MICU2: variants seen among roughly 807,000 people sequenced by gnomAD.
The protein encoded by MICU2 is mitochondrial calcium uptake 2, also known as calcium uptake protein 2, mitochondrial.
MICU2 carries 64 observed loss-of-function variants against 60.4 expected under a neutral mutation model. The ratio of observed to expected loss-of-function variants is 1.06; its 90% CI spans 0.87 to 1.31. The LOEUF is 1.31. MICU2 is among the 50% of genes most tolerant of loss of function. MICU2 has a pLI of 0.00. For synonymous variants in MICU2, 201 were observed against 175.0 expected (o/e 1.15, Z -1.17); for missense variants, 569 against 531.0 (o/e 1.07, Z -0.70).
intron 7 of MICU2, among the ~76,000 whole-genome samples, chr13:21,513,833 T>G (rs1374719795): frequency 6.6e-6 from 1 of 151,150 alleles, no homozygotes; most frequent in African/African-American, 2.4e-5. Context: ...ACTTCTTATA[T>G]TAAAACAGAA....
chr13:21,597,203 T>C (rs1325644513), intron 1 of MICU2, among the ~76,000 whole-genome samples: 17 of 152,230 alleles, frequency 1.1e-4, no homozygotes, highest in Admixed American at 1.1e-3. Flanking sequence ...ACATTATAGA[T>C]GTCATCAATT....
intron 9 of MICU2, among the ~76,000 whole-genome samples, chr13:21,497,254 A>G (rs961649413): frequency 6.6e-6 from 1 of 151,162 alleles, no homozygotes; most frequent in African/African-American, 2.4e-5. Flanking sequence ...AGTCCCAGCT[A>G]TTTGGAAGGC....
At chr13:21,511,523 G>GT (rs1337001188) in intron 7 of MICU2, among the ~76,000 whole-genome samples, 2 of 152,104 alleles carry the variant, frequency 1.3e-5, no homozygotes, top group African/African-American at 4.8e-5. Flanking sequence ...ACACACAATG[G>GT]TAAGAAACAA....
chr13:21,508,366 C>T (rs1005351159), intron 8 of MICU2, among the ~76,000 whole-genome samples: 22 of 152,124 alleles, frequency 1.4e-4, no homozygotes, highest in African/African-American at 5.1e-4. Context: ...ACCTCGTGAT[C>T]CACCACCTCG....
chr13:21,598,363 C>T (rs1453260942), intron 1 of MICU2, among the ~76,000 whole-genome samples: 1 of 152,102 alleles, frequency 6.6e-6, no homozygotes, highest in Non-Finnish European at 1.5e-5. Flanking sequence ...TTGTATTTTA[C>T]TTTGGCTTTG....
At chr13:21,552,017 C>T in intron 2 of MICU2, among the ~76,000 whole-genome samples, 1 of 152,104 alleles carries the variant, frequency 6.6e-6, no homozygotes, top group East Asian at 1.9e-4. Context: ...ACACTGACTT[C>T]CACAAGGGTT....
chr13:21,528,123 T>G (rs963887898), intron 4 of MICU2, among the ~76,000 whole-genome samples: 1 of 152,178 alleles, frequency 6.6e-6, no homozygotes, highest in East Asian at 1.9e-4. Flanking sequence ...ATATATATAG[T>G]AAACTACAAC....
chr13:21,557,321 T>C (rs1158461093), intron 2 of MICU2, among the ~76,000 whole-genome samples: 1 of 152,098 alleles, frequency 6.6e-6, no homozygotes, highest in Non-Finnish European at 1.5e-5. Flanking sequence ...AGAAATTCAG[T>C]AGAAAAGAAC....
intron 8 of MICU2, among the ~76,000 whole-genome samples, chr13:21,508,179 G>A (rs939676662): frequency 6.7e-6 from 1 of 149,842 alleles, no homozygotes; most frequent in African/African-American, 2.5e-5. Context: ...AGGCTGGAGT[G>A]CAGTGGCACG....
intron 2 of MICU2, among the ~76,000 whole-genome samples, chr13:21,550,750 T>C (rs1484200218): frequency 1.3e-5 from 2 of 151,640 alleles, no homozygotes; most frequent in African/African-American, 2.4e-5. Flanking sequence ...ATGTGCCAGG[T>C]ACTCTGCTCT....
chr13:21,547,359 G>T (rs987765405), intron 2 of MICU2, among the ~76,000 whole-genome samples: 4 of 152,070 alleles, frequency 2.6e-5, no homozygotes, highest in African/African-American at 9.7e-5. Flanking sequence ...CCCTTTTCCT[G>T]CTTTACCTAG....
intron 6 of MICU2, among the ~76,000 whole-genome samples, chr13:21,518,127 A>G (rs930742062): frequency 6.6e-6 from 1 of 152,230 alleles, no homozygotes; most frequent in East Asian, 1.9e-4. Context: ...ATTTATGGAG[A>G]TATCTGTGGT....
At chr13:21,587,344 A>T (rs574903886) in intron 1 of MICU2, among the ~76,000 whole-genome samples, 42 of 152,356 alleles carry the variant, frequency 2.8e-4, no homozygotes, top group Admixed American at 2.4e-3. Flanking sequence ...TACTTATTAA[A>T]TTTTTAATGA....
chr13:21,507,539 G>A (rs1441381852), intron 8 of MICU2, among the ~76,000 whole-genome samples: 2 of 152,022 alleles, frequency 1.3e-5, no homozygotes, highest in African/African-American at 2.4e-5. Flanking sequence ...GAGCTTAAAT[G>A]ACTCAGTGTA....
intron 6 of MICU2, chr13:21,515,631 AT>A: frequency 2.5e-6 from 1 of 392,606 alleles, no homozygotes; most frequent in Non-Finnish European, 5.1e-6. Context: ...ATCCCAAACT[AT>A]GGATTCAAAT....
At chr13:21,507,162 TA>T (rs1886309863) in intron 8 of MICU2, among the ~76,000 whole-genome samples, 1 of 152,164 alleles carries the variant, frequency 6.6e-6, no homozygotes, top group South Asian at 2.1e-4. Context: ...TTAATTGGAT[TA>T]AAAAAATTGC....
At chr13:21,545,957 T>A (rs1887407132) in intron 2 of MICU2, among the ~76,000 whole-genome samples, 1 of 152,192 alleles carries the variant, frequency 6.6e-6, no homozygotes, top group Non-Finnish European at 1.5e-5. Flanking sequence ...TACCCTGATA[T>A]GATCACTACA....
chr13:21,514,211 T>C, intron 7 of MICU2, 142 bp downstream of exon 7: 3 of 621,988 alleles, frequency 4.8e-6, no homozygotes, highest in Middle Eastern at 4.5e-4. Flanking sequence ...TGTTGTTGAC[T>C]GAAAAGTTAT....
rs555161727 is a variant in MICU2 at position 21,539,587 on chromosome 13, C to T, written c.390+70G>A. 378 of 1,595,452 alleles carry T rather than the reference C, an allele frequency of 2.4e-4. 2 individuals carry two copies. Among genetic ancestry groups the T allele is most frequent in the South Asian group, 1.1e-3 (103 of 90,486 alleles). ...TGCTGGGATTACAGGTGTGAGCCAC[C>T]GTGCCCGGCCAAAAGTTCATTTTCT... On this transcript the variant is annotated intron_variant, in intron 3 of 11. Coordinates refer to ENST00000382374, the MANE Select transcript of MICU2 (RefSeq NM_152726.3).
Sources: allele counts gnomAD v4.1 joint callset (sites outside exome capture counted in the v4.1 genomes callset), GRCh38; gene constraint gnomAD v4.1.1; transcripts MANE v1.5; gene names NCBI Gene and HGNC (gene_info 2026-07-23, HGNC 2026-07-21).